Variants in FARS2 observed in about 807,000 individuals in gnomAD.
FARS2 encodes the protein phenylalanine--tRNA ligase, mitochondrial.
A neutral mutation model predicts 46.4 loss-of-function variants in FARS2; 40 were observed. The ratio of observed to expected loss-of-function variants is 0.86; its 90% CI spans 0.67 to 1.12. The LOEUF (loss-of-function observed/expected upper bound fraction) is 1.12. FARS2 is among the 50% of genes most tolerant of loss of function. The pLI, the probability that FARS2 is intolerant of heterozygous loss-of-function variation, is 0.00. For missense variants in FARS2, 513 were observed against 567.9 expected (o/e 0.90, Z 0.98); for synonymous variants, 234 against 214.9 (o/e 1.09, Z -0.78).
intron 6 of FARS2, among the ~76,000 whole-genome samples, chr6:5,744,455 G>A (rs1252098294): frequency 3.3e-5 from 5 of 152,180 alleles, no homozygotes; most frequent in East Asian, 1.9e-4. Flanking sequence ...TTAAGTCTCC[G>A]TTTATAGATG....
At chr6:5,666,526 A>C (rs1426530420) in intron 6 of FARS2, among the ~76,000 whole-genome samples, 1 of 152,236 alleles carries the variant, frequency 6.6e-6, no homozygotes, top group Non-Finnish European at 1.5e-5. Flanking sequence ...TAAATAGTAC[A>C]TGATAGTTTT....
intron 6 of FARS2, among the ~76,000 whole-genome samples, chr6:5,718,192 G>T (rs946638043): frequency 6.6e-6 from 1 of 152,140 alleles, no homozygotes; most frequent in African/African-American, 2.4e-5. Context: ...GGGATTACAG[G>T]TGTGAGCCAC....
intron 6 of FARS2, among the ~76,000 whole-genome samples, chr6:5,648,617 A>G (rs1777194125): frequency 6.6e-6 from 1 of 151,836 alleles, no homozygotes; most frequent in Non-Finnish European, 1.5e-5. Flanking sequence ...CTTCCTTCTG[A>G]TGCTTTCTTT....
At chr6:5,278,412 A>T (rs1287984779) in intron 1 of FARS2, among the ~76,000 whole-genome samples, 3 of 152,144 alleles carry the variant, frequency 2.0e-5, no homozygotes, top group South Asian at 2.1e-4. Context: ...TTTAACTTGC[A>T]TGGTGTTTTA....
At chr6:5,535,781 T>C (rs1489912236) in intron 4 of FARS2, among the ~76,000 whole-genome samples, 1 of 152,226 alleles carries the variant, frequency 6.6e-6, no homozygotes, top group Non-Finnish European at 1.5e-5. Flanking sequence ...TATCAATTGA[T>C]ATGGTTATGT....
At chr6:5,404,357 A>G (rs1040788331) in intron 2 of FARS2, among the ~76,000 whole-genome samples, 185 bp from the exon 3 acceptor site, 1 of 152,214 alleles carries the variant, frequency 6.6e-6, no homozygotes, top group African/African-American at 2.4e-5. Flanking sequence ...CATGTAGCGT[A>G]GTGTTTTCTT....
intron 6 of FARS2, among the ~76,000 whole-genome samples, chr6:5,648,710 G>A (rs546189986): frequency 1.3e-5 from 2 of 151,884 alleles, no homozygotes; most frequent in South Asian, 4.2e-4. Flanking sequence ...TAGATTTTTG[G>A]GTTACCCAAC....
At chr6:5,356,791 A>G (rs900344086) in intron 1 of FARS2, among the ~76,000 whole-genome samples, 1 of 152,262 alleles carries the variant, frequency 6.6e-6, no homozygotes, top group Non-Finnish European at 1.5e-5. Flanking sequence ...TTTAGCGGTC[A>G]TAGCAACTTT....
chr6:5,654,225 C>T (rs1777502875), intron 6 of FARS2, among the ~76,000 whole-genome samples: 1 of 152,272 alleles, frequency 6.6e-6, no homozygotes, highest in African/African-American at 2.4e-5. Flanking sequence ...GTGTGGTCTG[C>T]TTTAATGGGA....
intron 6 of FARS2, among the ~76,000 whole-genome samples, chr6:5,664,625 A>G (rs1335876402): frequency 3.9e-5 from 6 of 152,252 alleles, no homozygotes; most frequent in Admixed American, 3.9e-4. Context: ...AGTTCTTAGA[A>G]TAAGAAGTGG....
intron 4 of FARS2, among the ~76,000 whole-genome samples, chr6:5,508,475 G>A (rs1453358573): frequency 6.6e-6 from 1 of 152,016 alleles, no homozygotes; most frequent in Non-Finnish European, 1.5e-5. Context: ...ATGCAGAGAG[G>A]CCAGGAGGGA....
intron 5 of FARS2, among the ~76,000 whole-genome samples, chr6:5,597,490 C>A (rs983561283): frequency 3.9e-5 from 6 of 152,176 alleles, no homozygotes; most frequent in Non-Finnish European, 7.3e-5. Context: ...CAGAGCGGCG[C>A]CTGATGTTCT....
upstream of FARS2, among the ~76,000 whole-genome samples, chr6:5,257,510 G>A (rs1764732929): frequency 1.3e-5 from 2 of 152,166 alleles, no homozygotes; most frequent in Admixed American, 6.5e-5. Context: ...TCTCTCTCCA[G>A]GGCTTGGTAT....
intron 4 of FARS2, among the ~76,000 whole-genome samples, chr6:5,469,929 G>A (rs754736068): frequency 6.6e-6 from 1 of 152,106 alleles, no homozygotes; most frequent in Non-Finnish European, 1.5e-5. Flanking sequence ...ACCTCTCTGA[G>A]TCTCATTCTT....
chr6:5,536,088 G>A (rs1770177294), intron 4 of FARS2, among the ~76,000 whole-genome samples: 1 of 124,420 alleles, frequency 8.0e-6, no homozygotes, highest in Non-Finnish European at 1.6e-5. Context: ...GTCTCACTCT[G>A]TCGCCCAGGC....
chr6:5,734,096 G>C (rs1693730118), intron 6 of FARS2, among the ~76,000 whole-genome samples: 1 of 152,174 alleles, frequency 6.6e-6, no homozygotes, highest in South Asian at 2.1e-4. Flanking sequence ...ACCTGCTGTG[G>C]ACAATGCCGT....
chr6:5,449,252 G>A (rs1764346269), intron 4 of FARS2, among the ~76,000 whole-genome samples: 1 of 151,080 alleles, frequency 6.6e-6, no homozygotes, highest in South Asian at 2.1e-4. Flanking sequence ...GGGAGGCTGA[G>A]GCAGGAGAAT....
chr6:5,770,150 A>G (rs1762959544), intron 6 of FARS2, among the ~76,000 whole-genome samples: 1 of 152,202 alleles, frequency 6.6e-6, no homozygotes, highest in Admixed American at 6.5e-5. Context: ...AGGTGGCATC[A>G]ATGGGACTAC....
intron 6 of FARS2, among the ~76,000 whole-genome samples, chr6:5,708,362 C>A (rs926696912): frequency 3.3e-5 from 5 of 152,066 alleles, no homozygotes; most frequent in African/African-American, 1.2e-4. Context: ...TCCAAGGGGA[C>A]CTGTCACTGG....
Sources: gnomAD v4.1 joint callset for allele counts (sites outside exome capture counted in the v4.1 genomes callset) on GRCh38, gnomAD v4.1.1 for gene constraint, MANE v1.5 for transcripts, NCBI Gene and HGNC (gene_info 2026-07-23, HGNC 2026-07-21) for gene names.